ATF7IP: variants seen among roughly 807,000 people sequenced by gnomAD.
ATF7IP encodes the protein activating transcription factor 7 interacting protein.
Under a neutral mutation model 106.4 loss-of-function variants are expected in ATF7IP, and 23 were observed. The observed-to-expected ratio is 0.22, with a 90% CI of 0.16 to 0.31. The LOEUF (loss-of-function observed/expected upper bound fraction) is 0.31, where lower values mean the gene tolerates loss of function less well. Among genes scored for constraint, ATF7IP ranks in the 10% least tolerant of loss-of-function variants. ATF7IP has a pLI of 1.00. For synonymous variants in ATF7IP, 542 were observed against 539.0 expected, an observed-to-expected ratio of 1.01 and a Z score of -0.08; for missense variants, 1,334 against 1,524.3, an observed-to-expected ratio of 0.88 and a Z score of 2.08.
At chr12:14,431,657 G>T (rs1366019633) in intron 2 of ATF7IP, among the ~76,000 whole-genome samples, 5 of 152,082 alleles carry the variant, frequency 3.3e-5, no homozygotes, top group Non-Finnish European at 4.4e-5. Context: ...GCCTCCCAAA[G>T]TGCTGGGATT....
intron 13 of ATF7IP, among the ~76,000 whole-genome samples, chr12:14,486,865 A>G (rs933988813): frequency 2.0e-5 from 3 of 152,100 alleles, no homozygotes; most frequent in African/African-American, 4.8e-5. Context: ...GAGACGAGCA[A>G]TTAGAGGGCT....
At chr12:14,420,998 A>G (rs551002554) in intron 1 of ATF7IP, among the ~76,000 whole-genome samples, 1 of 152,160 alleles carries the variant, frequency 6.6e-6, no homozygotes, top group Non-Finnish European at 1.5e-5. Context: ...TTATTCTACT[A>G]TTGATTGATG....
At chr12:14,425,903 A>G (rs1941819857) in intron 2 of ATF7IP, among the ~76,000 whole-genome samples, 1 of 152,232 alleles carries the variant, frequency 6.6e-6, no homozygotes, top group South Asian at 2.1e-4. Context: ...ATTCCCAATG[A>G]AATCCTGTTC....
chr12:14,396,585 G>A (rs1018821347), intron 1 of ATF7IP, among the ~76,000 whole-genome samples: 3 of 152,148 alleles, frequency 2.0e-5, no homozygotes, highest in African/African-American at 7.2e-5. Context: ...GTTGGATGAG[G>A]AGAAGGTCAT....
intron 3 of ATF7IP, among the ~76,000 whole-genome samples, chr12:14,435,291 A>G (rs1210309301): frequency 6.6e-6 from 1 of 152,192 alleles, no homozygotes; most frequent in Admixed American, 6.5e-5. Flanking sequence ...TCATGCTGCT[A>G]TCCATATATG....
chr12:14,478,531 A>G (rs1187355807), intron 12 of ATF7IP, 59 bp downstream of exon 12: 11 of 1,571,776 alleles, frequency 7.0e-6, no homozygotes, highest in East Asian at 4.5e-5. Context: ...AACTATGACT[A>G]TGGAGTTAAG....
chr12:14,481,634 T>G, intron 13 of ATF7IP: 1 of 446,344 alleles, frequency 2.2e-6, no homozygotes, highest in Non-Finnish European at 4.5e-6. Context: ...AAATTGTTGA[T>G]GTATACTAGT....
chr12:14,413,453 C>T (rs1380243383), intron 1 of ATF7IP, among the ~76,000 whole-genome samples: 1 of 152,098 alleles, frequency 6.6e-6, no homozygotes, highest in Non-Finnish European at 1.5e-5. Flanking sequence ...ATAAAGAAGA[C>T]AATTGCTGAA....
chr12:14,460,878 C>G lies in ATF7IP; in HGVS notation c.2542C>G (p.Pro848Ala), dbSNP rs1440562200. Residue 848 changes from proline (P) to alanine (A), a missense_variant, in exon 9 of 15, where the codon CCT (proline) becomes GCT (alanine). By Grantham distance (27) the Pro-to-Ala change is conservative. This residue lies in a region of ATF7IP where 370 missense variants were observed against 401.2 expected (regional missense o/e 0.92). Transcript: ENST00000261168. ...LPNPTKPNNV[P>A]SVPSPSIQRN... ...AAATCCCACTAAACCAAACAACGTT[C>G]CTTCTGTGCCCAGTCCTAGTATTCA... 6.2e-7 allele frequency: 1 copy of G among 1,614,066 alleles called. No individual in the cohort carries two copies. The highest frequency in any genetic ancestry group is 8.5e-7 in the Non-Finnish European group (1 of 1,180,042).
At chr12:14,487,812 C>T (rs139816677) in intron 13 of ATF7IP, among the ~76,000 whole-genome samples, 1 of 152,126 alleles carries the variant, frequency 6.6e-6, no homozygotes, top group African/African-American at 2.4e-5. Flanking sequence ...TCATCATTTT[C>T]TTTTATCACT....
intron 1 of ATF7IP, among the ~76,000 whole-genome samples, chr12:14,378,372 A>G (rs1194849387): frequency 1.3e-5 from 2 of 152,224 alleles, no homozygotes; most frequent in South Asian, 2.1e-4. Flanking sequence ...TGCTGGGATT[A>G]CAGGCGTGAG....
chr12:14,463,048 T>G (rs1943701828), intron 9 of ATF7IP, among the ~76,000 whole-genome samples: 1 of 152,068 alleles, frequency 6.6e-6, no homozygotes, highest in African/African-American at 2.4e-5. Context: ...TGTTATTTGA[T>G]CAGGTATAAT....
intron 13 of ATF7IP, among the ~76,000 whole-genome samples, chr12:14,485,119 A>G (rs1330753811): frequency 2.0e-5 from 3 of 152,006 alleles, no homozygotes; most frequent in Non-Finnish European, 4.4e-5. Flanking sequence ...CTCAAGCACC[A>G]TTGAATCTGC....
At chr12:14,432,959 A>G (rs1273527297) in intron 2 of ATF7IP, among the ~76,000 whole-genome samples, 2 of 152,280 alleles carry the variant, frequency 1.3e-5, no homozygotes, top group East Asian at 3.9e-4. Flanking sequence ...TGATTGATTG[A>G]CCAAAAGAAC....
chr12:14,467,134 G>A (rs1425665310), intron 10 of ATF7IP, among the ~76,000 whole-genome samples: 1 of 152,006 alleles, frequency 6.6e-6, no homozygotes, highest in African/African-American at 2.4e-5. Context: ...CTTCTTTCCT[G>A]TATTAACAGT....
intron 2 of ATF7IP, among the ~76,000 whole-genome samples, 163 bp from the exon 3 acceptor site, chr12:14,434,174 G>A (rs1290847703): frequency 1.3e-5 from 2 of 152,084 alleles, no homozygotes; most frequent in Non-Finnish European, 2.9e-5. Flanking sequence ...TCATTCATTC[G>A]ATCAGTTCCT....
At chr12:14,432,141 G>C (rs548854532) in intron 2 of ATF7IP, among the ~76,000 whole-genome samples, 1 of 152,102 alleles carries the variant, frequency 6.6e-6, no homozygotes, top group South Asian at 2.1e-4. Context: ...ACCATAGCAG[G>C]CCAGTTTATT....
intron 11 of ATF7IP, among the ~76,000 whole-genome samples, chr12:14,477,374 ATTATCTCTATTGCTTTCAC>A (rs569153704): frequency 1.2e-4 from 19 of 152,276 alleles, no homozygotes; most frequent in Admixed American, 5.2e-4. Flanking sequence ...AAAGTTTCAA[ATTATCTCTATTGCTTTCAC>A]TTATCTCTAT....
At position 14,501,182 on chromosome 12, in the gene ATF7IP, C is replaced by G. The variant is rs934388966; in HGVS notation, c.*3109C>G. On this transcript the variant is annotated 3_prime_UTR_variant, in exon 15 of 15. Coordinates refer to ENST00000261168, the MANE Select transcript of ATF7IP (RefSeq NM_018179.5). ...CTTTCTAGTAGCAGTTTCCACTCCA[C>G]GGTTACCTTTTTAGTTTCATAGTAT... 6.6e-6 allele frequency: 1 copy of G among 152,130 alleles called. No homozygotes were observed. The highest frequency in any genetic ancestry group is 1.5e-5 in the Non-Finnish European group (1 of 68,022). The allele number at this position is 152,130 out of a possible 1,614,324, so 9.4% of individuals were successfully genotyped here. A position where few individuals can be genotyped will look rare whatever the true frequency, so the allele number is the denominator to read the frequency against.
Sources: allele counts gnomAD v4.1 joint callset (sites outside exome capture counted in the v4.1 genomes callset), GRCh38; gene constraint gnomAD v4.1.1; regional missense constraint gnomAD v4.1.1; transcripts MANE v1.5; gene names NCBI Gene and HGNC (gene_info 2026-07-23, HGNC 2026-07-21).